The following PCSK5 variants were observed in gnomAD, a reference collection of about 807,000 sequenced individuals.
PCSK5 encodes the protein prohormone convertase 5.
A neutral mutation model predicts 233.2 loss-of-function variants in PCSK5; 129 were observed. That is an observed-to-expected ratio of 0.55 (90% CI 0.48 to 0.64). PCSK5 has a LOEUF of 0.64. Ranked by LOEUF, PCSK5 falls within the 30% of genes least tolerant of loss-of-function variation. The pLI is 0.00. For synonymous variants in PCSK5, 825 were observed against 879.2 expected, an observed-to-expected ratio of 0.94 and a Z score of 1.09; for missense variants, 2,076 against 2,430.1, an observed-to-expected ratio of 0.85 and a Z score of 3.06.
intron 12 of PCSK5, 49 bp from the exon 13 acceptor site, chr9:76,169,655 C>G: frequency 6.3e-7 from 1 of 1,592,338 alleles, no homozygotes; most frequent in Non-Finnish European, 8.6e-7. Context: ...TAACTAGACC[C>G]TCATTGGATT....
chr9:76,144,693 G>A (rs1186667001), intron 10 of PCSK5, among the ~76,000 whole-genome samples: 1 of 152,206 alleles, frequency 6.6e-6, no homozygotes, highest in Non-Finnish European at 1.5e-5. Flanking sequence ...AGCTAACAAA[G>A]GCACAGGTAT....
chr9:76,046,176 T>TTTTTTTTTTTTTTTTTTTTTTTTG (rs1829377316), intron 5 of PCSK5, among the ~76,000 whole-genome samples: 1 of 113,510 alleles, frequency 8.8e-6, no homozygotes, highest in African/African-American at 3.4e-5. Context: ...TTTTTTTTTT[T>TTTTTTTTTTTTTTTTTTTTTTTTG]TTTTTTTTTT....
At chr9:75,953,279 T>C (rs1471985951) in intron 2 of PCSK5, among the ~76,000 whole-genome samples, 2 of 152,008 alleles carry the variant, frequency 1.3e-5, no homozygotes, top group Non-Finnish European at 2.9e-5. Context: ...AAAGATTTAA[T>C]GGTGAGGAAG....
At chr9:76,265,698 A>T (rs1827312721) in intron 24 of PCSK5, among the ~76,000 whole-genome samples, 1 of 152,164 alleles carries the variant, frequency 6.6e-6, no homozygotes, top group Non-Finnish European at 1.5e-5. Context: ...GGAAATACAC[A>T]CTGAAATGTT....
At chr9:76,175,873 T>A (rs2131201342) in intron 14 of PCSK5, among the ~76,000 whole-genome samples, 1 of 152,352 alleles carries the variant, frequency 6.6e-6, no homozygotes, top group African/African-American at 2.4e-5. Context: ...TACAACTGTC[T>A]TATCCATTTT....
intron 24 of PCSK5, among the ~76,000 whole-genome samples, chr9:76,262,906 A>G (rs1827223240): frequency 6.6e-6 from 1 of 151,840 alleles, no homozygotes; most frequent in Admixed American, 6.6e-5. Flanking sequence ...TCCAGAATCT[A>G]CAATGAACTC....
At chr9:76,189,957 C>T (rs931334318) in intron 20 of PCSK5, among the ~76,000 whole-genome samples, 6 of 152,240 alleles carry the variant, frequency 3.9e-5, no homozygotes, top group Non-Finnish European at 8.8e-5. Context: ...GTGGCACTGG[C>T]CAATATGGCT....
chr9:75,957,882 T>A (rs567132027), intron 2 of PCSK5, among the ~76,000 whole-genome samples: 92 of 152,220 alleles, frequency 6.0e-4, no homozygotes, highest in Non-Finnish European at 8.4e-4. Context: ...GTGACTGTTT[T>A]CTTTTAGGTA....
At chr9:76,219,292 T>C (rs931822191) in intron 20 of PCSK5, among the ~76,000 whole-genome samples, 2 of 152,034 alleles carry the variant, frequency 1.3e-5, no homozygotes, top group African/African-American at 2.4e-5. Context: ...AGAGGGTAAT[T>C]TGAGGATGTT....
At chr9:76,128,210 C>T (rs1204061755) in intron 9 of PCSK5, among the ~76,000 whole-genome samples, 1 of 152,092 alleles carries the variant, frequency 6.6e-6, no homozygotes, top group Non-Finnish European at 1.5e-5. Flanking sequence ...AACACTCACA[C>T]TGTCACATTT....
chr9:75,981,789 C>G (rs1305948455), intron 2 of PCSK5, among the ~76,000 whole-genome samples: 1 of 152,132 alleles, frequency 6.6e-6, no homozygotes, highest in East Asian at 1.9e-4. Context: ...TCTTGAACTC[C>G]TGGGCATAAA....
intron 33 of PCSK5, among the ~76,000 whole-genome samples, chr9:76,329,531 T>C (rs555847114): frequency 6.6e-6 from 1 of 152,108 alleles, no homozygotes; most frequent in East Asian, 1.9e-4. Flanking sequence ...ACAATATCAA[T>C]GCTTTAGAAA....
chr9:75,951,571 C>G (rs2131324872), intron 2 of PCSK5, among the ~76,000 whole-genome samples: 1 of 152,006 alleles, frequency 6.6e-6, no homozygotes, highest in African/African-American at 2.4e-5. Flanking sequence ...AAAATGATAC[C>G]CTGTAGCTTT....
At chr9:76,338,132 C>T (rs1195938311) in intron 34 of PCSK5, 98 bp from the exon 35 acceptor site, 1 of 792,072 alleles carries the variant, frequency 1.3e-6, no homozygotes, top group Non-Finnish European at 2.1e-6. Context: ...GCTAAAGTCA[C>T]TCAGCTTGTA....
At chr9:76,095,788 A>C (rs1831484175) in intron 7 of PCSK5, 102 bp from the exon 8 acceptor site, 1 of 990,078 alleles carries the variant, frequency 1.0e-6, no homozygotes, top group Non-Finnish European at 1.6e-6. Context: ...TTAAGATAGC[A>C]ACACACCCCA....
intron 24 of PCSK5, among the ~76,000 whole-genome samples, chr9:76,270,434 C>A (rs1827478807): frequency 6.6e-6 from 1 of 152,182 alleles, no homozygotes; most frequent in Non-Finnish European, 1.5e-5. Context: ...TGCCCACTCC[C>A]TTTGGCTCTC....
chr9:76,230,281 A>C (rs576682416), intron 21 of PCSK5, among the ~76,000 whole-genome samples: 25 of 152,210 alleles, frequency 1.6e-4, no homozygotes, highest in Middle Eastern at 3.4e-3. Context: ...CAAAAACTGG[A>C]GATCTCACCT....
chr9:75,897,999 A>G (rs1825881535), intron 1 of PCSK5, among the ~76,000 whole-genome samples: 1 of 152,240 alleles, frequency 6.6e-6, no homozygotes, highest in Non-Finnish European at 1.5e-5. Context: ...TTGTTAGTTT[A>G]AACAGATTCA....
intron 9 of PCSK5, among the ~76,000 whole-genome samples, chr9:76,129,028 C>T (rs1822643901): frequency 6.6e-6 from 1 of 152,102 alleles, no homozygotes; most frequent in Non-Finnish European, 1.5e-5. Context: ...GATTGTTTTT[C>T]TTTGTTGGAC....
Sources: allele counts gnomAD v4.1 joint callset (sites outside exome capture counted in the v4.1 genomes callset), GRCh38; gene constraint gnomAD v4.1.1; transcripts MANE v1.5; gene names NCBI Gene and HGNC (gene_info 2026-07-23, HGNC 2026-07-21).